Variants in GNAQ observed in about 807,000 individuals in gnomAD.
GNAQ encodes G protein subunit alpha q, also known as guanine nucleotide-binding protein G(q) subunit alpha.
Under a neutral mutation model 43.9 loss-of-function variants are expected in GNAQ, and 8 were observed. That is an observed-to-expected ratio of 0.18 (90% confidence interval 0.11 to 0.33). GNAQ has a LOEUF of 0.33. GNAQ is among the 10% of genes least tolerant of loss of function. The pLI, the probability that GNAQ is intolerant of heterozygous loss-of-function variation, is 1.00. For missense variants in GNAQ, 158 were observed against 450.8 expected, an observed-to-expected ratio of 0.35 and a Z score of 5.88; for synonymous variants, 155 against 170.7, an observed-to-expected ratio of 0.91 and a Z score of 0.71.
intron 5 of GNAQ, among the ~76,000 whole-genome samples, chr9:77,771,714 A>AG (rs1826225736): frequency 6.6e-6 from 1 of 152,224 alleles, no homozygotes; most frequent in African/African-American, 2.4e-5. Context: ...AACCAAGTGC[A>AG]GGGCCCTGTG....
intron 2 of GNAQ, among the ~76,000 whole-genome samples, chr9:77,906,088 AAAGTT>A (rs1828703362): frequency 6.6e-6 from 1 of 150,720 alleles, no homozygotes; most frequent in Admixed American, 6.7e-5. Context: ...CCCGGAACTT[AAAGTT>A]AAAAAAAAAA....
intron 1 of GNAQ, among the ~76,000 whole-genome samples, chr9:77,997,291 A>C (rs1273947692): frequency 6.6e-6 from 1 of 152,160 alleles, no homozygotes; most frequent in African/African-American, 2.4e-5. Context: ...TTTTCTATAA[A>C]ATGTCAATTA....
chr9:77,770,486 AG>A (rs1191779685), intron 5 of GNAQ, among the ~76,000 whole-genome samples: 3 of 152,206 alleles, frequency 2.0e-5, no homozygotes, highest in Non-Finnish European at 4.4e-5. Flanking sequence ...GCTTATTATT[AG>A]TGTCAACAAC....
At chr9:77,841,375 T>C (rs1245875091) in intron 2 of GNAQ, among the ~76,000 whole-genome samples, 1 of 152,072 alleles carries the variant, frequency 6.6e-6, no homozygotes, top group Non-Finnish European at 1.5e-5. Context: ...CAAGGGCAAA[T>C]GGGAGGAAAA....
chr9:77,912,948 C>T (rs1042594237), intron 2 of GNAQ, among the ~76,000 whole-genome samples: 2 of 152,104 alleles, frequency 1.3e-5, no homozygotes, highest in African/African-American at 4.8e-5. Context: ...CCAGCCTGGG[C>T]AACATAGCTG....
At chr9:77,800,984 C>T (rs1157956560) in intron 3 of GNAQ, among the ~76,000 whole-genome samples, 1 of 152,140 alleles carries the variant, frequency 6.6e-6, no homozygotes, top group Non-Finnish European at 1.5e-5. Context: ...TCGCTTAATG[C>T]CGTACACAGA....
chr9:77,922,046 A>G lies in GNAQ; in HGVS notation c.321+115T>C, dbSNP rs147363189. ...TCATTTATGATGGGATGGAAAATGTATATTTCCAAACCCCCCTATGCACTC... is the reference window on the plus strand; with the variant it reads ...TCATTTATGATGGGATGGAAAATGTGTATTTCCAAACCCCCCTATGCACTC... On this transcript the variant is annotated intron_variant, in intron 2 of 6. Transcript: ENST00000286548. 1.7e-4 allele frequency: 95 copies of G among 549,828 alleles called. No individual in the cohort carries two copies. The East Asian group carries it at 2.3e-3, about 13-fold the overall frequency. 34.1% of individuals were successfully genotyped at this position (549,828 alleles called of 1,614,324 possible).
chr9:78,023,817 T>C (rs553730830), intron 1 of GNAQ, among the ~76,000 whole-genome samples: 12 of 152,270 alleles, frequency 7.9e-5, no homozygotes, highest in Admixed American at 2.6e-4. Flanking sequence ...TAGAAATATA[T>C]GTAACTATGT....
intron 5 of GNAQ, among the ~76,000 whole-genome samples, chr9:77,761,984 C>T (rs1377204928): frequency 1.3e-4 from 18 of 133,350 alleles, no homozygotes; most frequent in Non-Finnish European, 2.4e-4. Flanking sequence ...CCGCCCCGTC[C>T]GGGAGGTGAG....
At chr9:77,839,142 C>T (rs1827442648) in intron 2 of GNAQ, among the ~76,000 whole-genome samples, 1 of 152,114 alleles carries the variant, frequency 6.6e-6, no homozygotes. Flanking sequence ...CCCCAGGCCT[C>T]GTGGTGAACA....
intron 2 of GNAQ, among the ~76,000 whole-genome samples, chr9:77,913,183 T>C (rs1316241801): frequency 6.6e-6 from 1 of 152,064 alleles, no homozygotes; most frequent in Non-Finnish European, 1.5e-5. Flanking sequence ...AAATGCTAGA[T>C]ACATACTCCA....
chr9:77,744,440 C>T (rs1034868307), intron 5 of GNAQ, among the ~76,000 whole-genome samples: 3 of 152,108 alleles, frequency 2.0e-5, no homozygotes, highest in South Asian at 2.1e-4. Context: ...CTTACAAATA[C>T]GCAATGTGAC....
chr9:77,834,723 C>G (rs1827356304), intron 2 of GNAQ, among the ~76,000 whole-genome samples: 1 of 152,168 alleles, frequency 6.6e-6, no homozygotes, highest in South Asian at 2.1e-4. Context: ...GTAGTGACTT[C>G]TGACATTTCC....
At chr9:78,018,826 A>G (rs1823870350) in intron 1 of GNAQ, among the ~76,000 whole-genome samples, 1 of 152,232 alleles carries the variant, frequency 6.6e-6, no homozygotes, top group African/African-American at 2.4e-5. Context: ...AACATAAAGA[A>G]TATTTTTAAT....
intron 1 of GNAQ, among the ~76,000 whole-genome samples, chr9:77,966,731 A>T (rs1354629676): frequency 6.6e-6 from 1 of 152,210 alleles, no homozygotes; most frequent in South Asian, 2.1e-4. Context: ...GAAAAATAAT[A>T]ATATTCACTC....
intron 4 of GNAQ, among the ~76,000 whole-genome samples, chr9:77,796,551 C>A (rs1412841906): frequency 6.6e-6 from 1 of 152,054 alleles, no homozygotes; most frequent in Admixed American, 6.6e-5. Flanking sequence ...ATCCTAAAAA[C>A]AAAACAACAG....
chr9:77,875,571 G>C (rs1376988351), intron 2 of GNAQ, among the ~76,000 whole-genome samples: 1 of 152,194 alleles, frequency 6.6e-6, no homozygotes, highest in African/African-American at 2.4e-5. Flanking sequence ...CCTTGGGAAT[G>C]TCAACTTTCA....
intron 2 of GNAQ, among the ~76,000 whole-genome samples, chr9:77,832,139 ACC>A (rs1189335374): frequency 6.7e-6 from 1 of 149,674 alleles, no homozygotes; most frequent in Non-Finnish European, 1.5e-5. Flanking sequence ...TCCATACTGT[ACC>A]CATCACATAC....
intron 1 of GNAQ, among the ~76,000 whole-genome samples, chr9:77,957,980 A>G (rs974973612): frequency 6.6e-6 from 1 of 152,240 alleles, no homozygotes; most frequent in East Asian, 1.9e-4. Flanking sequence ...ATCAAATACT[A>G]TATTATTCAT....
Sources: gnomAD v4.1 joint callset for allele counts (sites outside exome capture counted in the v4.1 genomes callset) on GRCh38, gnomAD v4.1.1 for gene constraint, MANE v1.5 for transcripts, NCBI Gene and HGNC (gene_info 2026-07-23, HGNC 2026-07-21) for gene names.